Variants in NALF1 observed in about 807,000 individuals in gnomAD.
NALF1 encodes NALCN channel auxiliary factor 1.
NALF1 carries 3 observed loss-of-function variants against 48.4 expected under a neutral mutation model. The ratio of observed to expected loss-of-function variants is 0.06; its 90% CI spans 0.03 to 0.16. NALF1 has a LOEUF of 0.16. Among genes scored for constraint, NALF1 ranks in the 10% least tolerant of loss-of-function variants. The pLI, the probability that NALF1 is intolerant of heterozygous loss-of-function variation, is 1.00. For synonymous variants in NALF1, 262 were observed against 245.7 expected, an observed-to-expected ratio of 1.07 and a Z score of -0.62; for missense variants, 526 against 571.5, an observed-to-expected ratio of 0.92 and a Z score of 0.81.
At chr13:107,828,492 GTT>G (rs35255869) in intron 1 of NALF1, among the ~76,000 whole-genome samples, 1 of 136,756 alleles carries the variant, frequency 7.3e-6, no homozygotes, top group Non-Finnish European at 1.5e-5. Flanking sequence ...CCACTGACTT[GTT>G]TTTTTTTTTT....
intron 1 of NALF1, among the ~76,000 whole-genome samples, chr13:107,293,739 T>C (rs894039541): frequency 6.6e-5 from 10 of 152,192 alleles, no homozygotes; most frequent in African/African-American, 2.4e-4. Flanking sequence ...ACCTCAGGAA[T>C]AGAGCCCAGG....
chr13:107,711,045 G>A (rs1270827972), intron 1 of NALF1, among the ~76,000 whole-genome samples: 3 of 151,868 alleles, frequency 2.0e-5, no homozygotes, highest in Admixed American at 1.3e-4. Context: ...AAATAACATC[G>A]ATTTATCCTA....
At chr13:107,785,527 T>G (rs1308904122) in intron 1 of NALF1, among the ~76,000 whole-genome samples, 1 of 152,226 alleles carries the variant, frequency 6.6e-6, no homozygotes. Context: ...AATGATACAA[T>G]GGACTTTGGG....
At chr13:107,611,135 C>T (rs9520509) in intron 1 of NALF1, among the ~76,000 whole-genome samples, 20,893 of 152,130 alleles carry the variant, frequency 0.14, 1,650 homozygotes, top group Middle Eastern at 0.23. Flanking sequence ...TTTTGTTCCC[C>T]TCCTGGTATT....
intron 1 of NALF1, among the ~76,000 whole-genome samples, chr13:107,633,915 T>C (rs544296993): frequency 2.4e-4 from 36 of 148,568 alleles, no homozygotes; most frequent in East Asian, 7.8e-4. Context: ...ATATGGAAAA[T>C]ATATATATTT....
In NALF1 at chr13:107,557,246, G is replaced by A. The variant is rs540975858; in HGVS notation, c.915+308436C>T. ...TATGCATTGTAACCCTTTTAGCACA[G>A]AAGTTACAGCAGCAAACAATGCAAA... is the stretch of plus-strand genomic sequence containing the variant. On this transcript the variant is annotated intron_variant, in intron 1 of 2. Transcript: ENST00000375915. Among the ~76,000 whole-genome samples, 6 of 152,298 alleles carry A rather than the reference G, an allele frequency of 3.9e-5. No homozygotes were observed. In the East Asian group the frequency reaches 9.7e-4, roughly 25 times the overall value.
intron 1 of NALF1, among the ~76,000 whole-genome samples, chr13:107,398,994 C>A (rs1039752735): frequency 6.6e-6 from 1 of 152,136 alleles, no homozygotes; most frequent in African/African-American, 2.4e-5. Flanking sequence ...GTTCATTCTC[C>A]GGCCTGATGA....
chr13:107,365,506 G>A (rs1022746570), intron 1 of NALF1, among the ~76,000 whole-genome samples: 1 of 152,028 alleles, frequency 6.6e-6, no homozygotes, highest in Non-Finnish European at 1.5e-5. Context: ...AAGAAACATG[G>A]AAAAACGTGC....
chr13:107,612,403 G>A (rs940472090), intron 1 of NALF1, among the ~76,000 whole-genome samples: 1 of 152,000 alleles, frequency 6.6e-6, no homozygotes, highest in African/African-American at 2.4e-5. Flanking sequence ...GTGATTGGGG[G>A]TGTGATTCTT....
At chr13:107,851,713 G>T (rs1880317641) in intron 1 of NALF1, among the ~76,000 whole-genome samples, 1 of 151,636 alleles carries the variant, frequency 6.6e-6, no homozygotes, top group Non-Finnish European at 1.5e-5. Flanking sequence ...TTGGAAGTGG[G>T]ACCGTTTGAA....
intron 1 of NALF1, among the ~76,000 whole-genome samples, chr13:107,687,407 A>G (rs543368564): frequency 6.6e-6 from 1 of 152,030 alleles, no homozygotes; most frequent in Non-Finnish European, 1.5e-5. Context: ...AAACTCCAGA[A>G]TCACTCAATA....
intron 1 of NALF1, among the ~76,000 whole-genome samples, chr13:107,567,625 T>C (rs1457350863): frequency 6.6e-6 from 1 of 152,244 alleles, no homozygotes; most frequent in Non-Finnish European, 1.5e-5. Flanking sequence ...GATCTCACCA[T>C]TACACATGCA....
At chr13:107,206,337 G>T (rs958625889) in intron 2 of NALF1, among the ~76,000 whole-genome samples, 5 of 152,178 alleles carry the variant, frequency 3.3e-5, no homozygotes, top group Non-Finnish European at 7.3e-5. Flanking sequence ...ATTTGGTCAT[G>T]ACCTTCTGTA....
chr13:107,366,338 G>A (rs1400445190), intron 1 of NALF1, among the ~76,000 whole-genome samples: 2 of 152,130 alleles, frequency 1.3e-5, no homozygotes. Flanking sequence ...CTTGAAGAAG[G>A]CATTATAATC....
At chr13:107,624,720 G>A (rs770676681) in intron 1 of NALF1, among the ~76,000 whole-genome samples, 19 of 152,112 alleles carry the variant, frequency 1.2e-4, no homozygotes, top group Non-Finnish European at 1.8e-4. Flanking sequence ...CCATAGCAAC[G>A]GCCTTTGCCA....
chr13:107,824,523 G>A (rs1047504590), intron 1 of NALF1, among the ~76,000 whole-genome samples: 3 of 152,142 alleles, frequency 2.0e-5, no homozygotes, highest in African/African-American at 7.2e-5. Flanking sequence ...CCTCAGATTG[G>A]AGAACACAAA....
At chr13:107,733,287 AG>A (rs1876368053) in intron 1 of NALF1, among the ~76,000 whole-genome samples, 1 of 152,198 alleles carries the variant, frequency 6.6e-6, no homozygotes, top group Non-Finnish European at 1.5e-5. Flanking sequence ...ACATTGCAAA[AG>A]CACTTTCTTT....
Position 107,363,231 on chromosome 13 carries a change from C to T in NALF1, c.916-152476G>A, listed in dbSNP as rs541170511. Among the ~76,000 whole-genome samples the T allele has an allele frequency of 1.1e-4, 16 of 152,282 alleles. No homozygotes were observed. The South Asian group carries it at 2.9e-3, about 28-fold the overall frequency. ...ATGTTCAAAAAGAATTGCATACAATCTTATTCAGAACACTGTGTTGATTCT... is the reference window on the plus strand; with the variant it reads ...ATGTTCAAAAAGAATTGCATACAATTTTATTCAGAACACTGTGTTGATTCT... On this transcript the variant is annotated intron_variant, in intron 1 of 2. Coordinates refer to ENST00000375915, the MANE Select transcript of NALF1 (RefSeq NM_001080396.3).
chr13:107,683,467 T>C (rs1881354558), intron 1 of NALF1, among the ~76,000 whole-genome samples: 1 of 152,252 alleles, frequency 6.6e-6, no homozygotes. Flanking sequence ...CAAAATAATT[T>C]TAATTCTGTG....
Sources: allele counts gnomAD v4.1 joint callset (sites outside exome capture counted in the v4.1 genomes callset), GRCh38; gene constraint gnomAD v4.1.1; transcripts MANE v1.5; gene names NCBI Gene and HGNC (gene_info 2026-07-23, HGNC 2026-07-21).